Variants in GNPDA2 observed in about 807,000 individuals in gnomAD.
The protein encoded by GNPDA2 is glcN6P deaminase 2.
In GNPDA2, 24 loss-of-function variants were observed where a neutral mutation model predicts 27.0. The ratio of observed to expected loss-of-function variants is 0.89; its 90% CI spans 0.64 to 1.25. The LOEUF (loss-of-function observed/expected upper bound fraction) is 1.25. Among genes scored for constraint, GNPDA2 ranks in the 50% most tolerant of loss-of-function variants. The probability of loss-of-function intolerance (pLI) is 0.00; values close to 1 mark genes in which losing one functional copy is unlikely to be tolerated. For synonymous variants in GNPDA2, 94 were observed against 108.4 expected (o/e 0.87, Z 0.83); for missense variants, 286 against 335.1 (o/e 0.85, Z 1.14).
intron 1 of GNPDA2, among the ~76,000 whole-genome samples, chr4:44,723,980 C>G (rs1283026813): frequency 6.6e-6 from 1 of 152,176 alleles, no homozygotes; most frequent in Non-Finnish European, 1.5e-5. Flanking sequence ...ATGGCCCATG[C>G]TTAGTCCACG....
chr4:44,704,446 T>A (rs997477427), intron 6 of GNPDA2: 1 of 875,460 alleles, frequency 1.1e-6, no homozygotes, highest in Non-Finnish European at 1.4e-6. Context: ...TACATGCAAA[T>A]TAAAATATCA....
intron 6 of GNPDA2, chr4:44,706,597 A>G: frequency 6.6e-6 from 1 of 151,922 alleles, no homozygotes; most frequent in East Asian, 1.9e-4. Context: ...AAGATTATAT[A>G]CTTTATTTCT....
chr4:44,707,869 C>T lies in GNPDA2; in HGVS notation c.652G>A (p.Glu218Lys), dbSNP rs748604943. The T allele has an allele frequency of 1.2e-6, 2 of 1,613,250 alleles. No individual in the cohort carries two copies. The highest frequency in any genetic ancestry group is 2.2e-5 in the South Asian group (2 of 91,034). ...KAFALYKAIE[E>K]GVNHMWTVSA... is the part of the protein sequence containing the mutation. ...ACAGTCCACATGTGATTGACTCCTTCTTCTATTGCTTTGTACAGGGCAAAT... is the reference window on the plus strand; with the variant it reads ...ACAGTCCACATGTGATTGACTCCTTTTTCTATTGCTTTGTACAGGGCAAAT... The change falls in exon 6 of 7, where the codon GAA becomes AAA. Residue 218 changes from glutamate (E) to lysine (K), a missense_variant. Coordinates refer to ENST00000295448, the MANE Select transcript of GNPDA2 (RefSeq NM_138335.3).
intron 1 of GNPDA2, among the ~76,000 whole-genome samples, chr4:44,724,939 C>T (rs1717919540): frequency 6.6e-6 from 1 of 151,928 alleles, no homozygotes; most frequent in South Asian, 2.1e-4. Flanking sequence ...AGAGTTAAAC[C>T]AAAGAATCAG....
At position 44,717,144 on chromosome 4, in the gene GNPDA2, T is replaced by A; in HGVS notation, c.378A>T (p.Lys126Asn). Residue 126 changes from lysine (K) to asparagine (N), a missense_variant, in exon 4 of 7, where the codon AAA (lysine) becomes AAT (asparagine). Transcript: ENST00000295448. ...AECDAFENKI[K>N]EAGGIDLFVG... ...CAAAAAGATCTATTCCTCCAGCTTCTTTTATTTTGTTTTCAAAAGCATCAC... is the reference window on the plus strand; with the variant it reads ...CAAAAAGATCTATTCCTCCAGCTTCATTTATTTTGTTTTCAAAAGCATCAC... 6.2e-7 allele frequency: 1 copy of A among 1,608,402 alleles called. No homozygotes were observed. The highest frequency in any genetic ancestry group is 8.5e-7 in the Non-Finnish European group (1 of 1,177,588).
At chr4:44,703,785 C>T (rs1402324409) in intron 6 of GNPDA2, 2 of 985,044 alleles carry the variant, frequency 2.0e-6, no homozygotes, top group African/African-American at 3.5e-5. Context: ...CTGCTCTTAG[C>T]TATGGAAGCT....
intron 5 of GNPDA2, among the ~76,000 whole-genome samples, chr4:44,710,575 A>C (rs1275682861): frequency 1.3e-5 from 2 of 152,190 alleles, no homozygotes; most frequent in African/African-American, 4.8e-5. Flanking sequence ...CATTTAAATC[A>C]TCCTGTGAGC....
intron 1 of GNPDA2, among the ~76,000 whole-genome samples, chr4:44,723,483 GAGAACATGT>G (rs1209791298): frequency 2.6e-5 from 4 of 152,104 alleles, no homozygotes; most frequent in Non-Finnish European, 4.4e-5. Context: ...ACTTGTAAGT[GAGAACATGT>G]GGTATTTTTC....
At chr4:44,717,657 A>G (rs1717392101) in intron 3 of GNPDA2, among the ~76,000 whole-genome samples, 2 of 151,866 alleles carry the variant, frequency 1.3e-5, no homozygotes, top group African/African-American at 4.8e-5. Context: ...AACCAATGAA[A>G]TTGACTTACA....
chr4:44,714,124 A>T (rs1717140631), intron 4 of GNPDA2: 1 of 167,746 alleles, frequency 6.0e-6, no homozygotes, highest in African/African-American at 2.4e-5. Flanking sequence ...GGCATGCACC[A>T]CCACGCCCAG....
chr4:44,707,864 T>G lies in GNPDA2; in HGVS notation c.657A>C (p.Gly219=). ...AFALYKAIEE[G]VNHMWTVSAF... is the part of the protein sequence containing the mutation. ...CGGAAACAGTCCACATGTGATTGAC[T>G]CCTTCTTCTATTGCTTTGTACAGGG... Residue 219 remains glycine (G), a synonymous_variant, in exon 6 of 7, where the codon GGA becomes GGC. Transcript: ENST00000295448. 1.2e-6 allele frequency: 2 copies of G among 1,613,272 alleles called. No individual in the cohort carries two copies. Among genetic ancestry groups the G allele is most frequent in the Non-Finnish European group, 1.7e-6 (2 of 1,179,402 alleles).
At position 44,703,822 on chromosome 4, in the gene GNPDA2, T is replaced by C. The variant is rs1176572060; in HGVS notation, c.770-680A>G. 3.0e-6 allele frequency: 3 copies of C among 985,154 alleles called. No individual in the cohort carries two copies. The African/African-American group carries it at 5.2e-5, about 17-fold the overall frequency. 61.0% of individuals were successfully genotyped at this position (985,154 alleles called of 1,614,324 possible). A position where few individuals can be genotyped will look rare whatever the true frequency, so the allele number is the denominator to read the frequency against. The stretch of plus-strand genomic sequence containing the variant: ...CTTGGGAAATAGCTGATCTTCCAGT[T>C]ACTCCTGTTTTAATGCCTCAGTACT... On this transcript the variant is annotated intron_variant, in intron 6 of 6. Transcript: ENST00000295448.
chr4:44,701,999 T>C lies in GNPDA2; in HGVS notation c.*1082A>G, dbSNP rs933945825. On this transcript the variant is annotated 3_prime_UTR_variant, in exon 7 of 7. Transcript: ENST00000295448. The stretch of plus-strand genomic sequence containing the variant: ...AATGCAAAATAAGCAAAAGGAGCAT[T>C]TTTTTGCTCCCCACAGAGGCAAAGA... 1.6e-5 allele frequency: 16 copies of C among 985,114 alleles called. No homozygotes were observed. The Admixed American group carries it at 1.8e-4, about 11-fold the overall frequency. 61.0% of individuals were successfully genotyped at this position (985,114 alleles called of 1,614,324 possible). A position where few individuals can be genotyped will look rare whatever the true frequency, so the allele number is the denominator to read the frequency against.
At chr4:44,704,689 A>AT in intron 6 of GNPDA2, 1 of 961,020 alleles carries the variant, frequency 1.0e-6, no homozygotes, top group African/African-American at 1.8e-5. Flanking sequence ...AACAGAAATA[A>AT]TTCTTCTGAT....
intron 1 of GNPDA2, among the ~76,000 whole-genome samples, chr4:44,724,130 G>C (rs770229997): frequency 6.6e-6 from 1 of 152,104 alleles, no homozygotes; most frequent in Non-Finnish European, 1.5e-5. Flanking sequence ...GGAAGTTTGC[G>C]TTAATTGGTT....
chr4:44,702,389 T>C lies in GNPDA2; in HGVS notation c.*692A>G, dbSNP rs1045957963. The C allele has an allele frequency of 1.7e-4, 167 of 959,642 alleles. 1 individual carries two copies. Among genetic ancestry groups the C allele is most frequent in the Non-Finnish European group, 6.0e-5 (48 of 806,360 alleles). 59.4% of individuals were successfully genotyped at this position (959,642 alleles called of 1,614,324 possible). Reference sequence around the variant, plus strand: ...GGTATAAAGCTCATAATTGTCAAGATACTTATATTAGGGACATGAACCCAA... The same window carrying C: ...GGTATAAAGCTCATAATTGTCAAGACACTTATATTAGGGACATGAACCCAA... On this transcript the variant is annotated 3_prime_UTR_variant, in exon 7 of 7. Transcript: ENST00000295448.
At position 44,705,541 on chromosome 4, in the gene GNPDA2, C is replaced by CT. The variant is rs1416984519; in HGVS notation, c.769+2210dup. ...CTTACAATTAGATGAACTAAAAGAA[C>CT]TAAATACATATAAACATCTACCACC... On this transcript the variant is annotated intron_variant, in intron 6 of 6. Coordinates refer to ENST00000295448, the MANE Select transcript of GNPDA2 (RefSeq NM_138335.3). The CT allele has an allele frequency of 4.9e-6, 4 of 820,920 alleles. No individual in the cohort carries two copies. The African/African-American group carries it at 7.4e-5, about 15-fold the overall frequency. 50.9% of individuals were successfully genotyped at this position (820,920 alleles called of 1,614,324 possible).
rs372340439 is a variant in GNPDA2 at position 44,710,939 on chromosome 4, T to C, written c.594+14A>G. 27 of 1,548,182 alleles carry C rather than the reference T, an allele frequency of 1.7e-5. No homozygotes were observed. The African/African-American group carries it at 3.2e-4, about 18-fold the overall frequency. On this transcript the variant is annotated intron_variant, in intron 5 of 6. Coordinates refer to ENST00000295448, the MANE Select transcript of GNPDA2 (RefSeq NM_138335.3). ...ACATGAAAAGAAAGACAGCAAAGAA[T>C]ATTTAATGCTTACTTCTCTAGCATC...
intron 1 of GNPDA2, among the ~76,000 whole-genome samples, chr4:44,726,248 G>A (rs1718015626): frequency 6.6e-6 from 1 of 152,116 alleles, no homozygotes; most frequent in Non-Finnish European, 1.5e-5. Context: ...GGAGAGGGCA[G>A]GGACGCCTTC....
Sources: gnomAD v4.1 joint callset for allele counts (sites outside exome capture counted in the v4.1 genomes callset) on GRCh38, gnomAD v4.1.1 for gene constraint, MANE v1.5 for transcripts, NCBI Gene and HGNC (gene_info 2026-07-23, HGNC 2026-07-21) for gene names.